Variants in PCDHGA11 observed in about 807,000 individuals in gnomAD.
PCDHGA11 encodes protocadherin gamma-A11.
A neutral mutation model predicts 60.4 loss-of-function variants in PCDHGA11; 39 were observed. The ratio of observed to expected loss-of-function variants is 0.65; its 90% CI spans 0.50 to 0.84. The LOEUF (loss-of-function observed/expected upper bound fraction) is 0.84, where lower values mean the gene tolerates loss of function less well. Among genes scored for constraint, PCDHGA11 ranks in the 40% least tolerant of loss-of-function variants. The pLI is 0.00. For missense variants in PCDHGA11, 1,165 were observed against 1,197.7 expected, an observed-to-expected ratio of 0.97 and a Z score of 0.40; for synonymous variants, 533 against 510.3, an observed-to-expected ratio of 1.04 and a Z score of -0.60.
At chr5:141,435,112 T>A (rs906494104) in intron 1 of PCDHGA11, among the ~76,000 whole-genome samples, 1 of 152,102 alleles carries the variant, frequency 6.6e-6, no homozygotes, top group Non-Finnish European at 1.5e-5. Context: ...GGGGGAGAAA[T>A]CTAATTCAAT....
Position 141,489,343 on chromosome 5 carries a change from G to A in PCDHGA11, c.2434-5464G>A, listed in dbSNP as rs377697321. On this transcript the variant is annotated intron_variant, in intron 1 of 3. Coordinates refer to ENST00000398587, the MANE Select transcript of PCDHGA11 (RefSeq NM_018914.3). This position sits in a 1 kb window ranked among gnomAD's most constrained non-coding sequence, Gnocchi z 4.5. ...GGTGTCTGGGCAGCTTCGTTACTCA[G>A]TGGTGGAGGAGTCTGAGCCGGGGAC... The A allele has an allele frequency of 5.6e-6, 9 of 1,611,264 alleles. No individual in the cohort carries two copies. Among genetic ancestry groups the A allele is most frequent in the Non-Finnish European group, 7.6e-6 (9 of 1,178,202 alleles).
Position 141,485,598 on chromosome 5 carries a change from T to C in PCDHGA11, c.2434-9209T>C, listed in dbSNP as rs931717579. 25 of 1,612,028 alleles carry C rather than the reference T, an allele frequency of 1.6e-5. No individual in the cohort carries two copies. Among genetic ancestry groups the C allele is most frequent in the African/African-American group, 2.7e-5 (2 of 74,838 alleles). ...CCGCGGCAGCAGCTGGACTTGGAAA[T>C]TGGGGAGGCAGCTCCTCCAGGACAG... On this transcript the variant is annotated intron_variant, in intron 1 of 3. Transcript: ENST00000398587. This position sits in a 1 kb window ranked among gnomAD's most constrained non-coding sequence, Gnocchi z 5.7.
rs780685517 is a variant in PCDHGA11 at position 141,489,548 on chromosome 5, T to C, written c.2434-5259T>C. 6.2e-7 allele frequency: 1 copy of C among 1,614,136 alleles called. No individual in the cohort carries two copies. Among genetic ancestry groups the C allele is most frequent in the South Asian group, 1.1e-5 (1 of 91,086 alleles). On this transcript the variant is annotated intron_variant, in intron 1 of 3. Coordinates refer to ENST00000398587, the MANE Select transcript of PCDHGA11 (RefSeq NM_018914.3). This position sits in a 1 kb window ranked among gnomAD's most constrained non-coding sequence, Gnocchi z 4.5. ...CTATGTGGAGCCAGCACCAGCTGCCTGCTGCCAGTGCAGGTGGTGACTGAA... is the reference window on the plus strand; with the variant it reads ...CTATGTGGAGCCAGCACCAGCTGCCCGCTGCCAGTGCAGGTGGTGACTGAA...
Position 141,486,266 on chromosome 5 carries a change from C to G in PCDHGA11, c.2434-8541C>G, listed in dbSNP as rs1311684194. On this transcript the variant is annotated intron_variant, in intron 1 of 3. Transcript: ENST00000398587. The surrounding 1 kb of genome is among the most constrained non-coding windows in gnomAD (Gnocchi z 5.0). Reference sequence around the variant, plus strand: ...TGGAACCCTCCCCGAGAGTGCAGAACCTGGCACTGTGGTGGCACTTATCAG... The same window carrying G: ...TGGAACCCTCCCCGAGAGTGCAGAAGCTGGCACTGTGGTGGCACTTATCAG... 1 of 1,614,098 alleles carries G rather than the reference C, an allele frequency of 6.2e-7. No individual in the cohort carries two copies.
At chr5:141,509,404 A>C (rs1248030362) in intron 3 of PCDHGA11, among the ~76,000 whole-genome samples, 3 of 152,112 alleles carry the variant, frequency 2.0e-5, no homozygotes, top group Non-Finnish European at 4.4e-5. Context: ...CAGGGCCTCC[A>C]GCAGCGAGCC....
chr5:141,477,970 T>G lies in PCDHGA11; in HGVS notation c.2434-16837T>G. ...TCTTGGGATCCCCTAACCAGAGCCTTTTTGCCATAGGGCTGCACACTGGTC... is the reference window on the plus strand; with the variant it reads ...TCTTGGGATCCCCTAACCAGAGCCTGTTTGCCATAGGGCTGCACACTGGTC... On this transcript the variant is annotated intron_variant, in intron 1 of 3. Coordinates refer to ENST00000398587, the MANE Select transcript of PCDHGA11 (RefSeq NM_018914.3). This position sits in a 1 kb window ranked among gnomAD's most constrained non-coding sequence, Gnocchi z 4.9. 1 of 1,614,090 alleles carries G rather than the reference T, an allele frequency of 6.2e-7. No homozygotes were observed. The highest frequency in any genetic ancestry group is 8.5e-7 in the Non-Finnish European group (1 of 1,180,002).
At chr5:141,427,306 A>G (rs1023837851) in intron 1 of PCDHGA11, 6 of 456,826 alleles carry the variant, frequency 1.3e-5, no homozygotes, top group African/African-American at 1.2e-4. Flanking sequence ...GAGAATGACA[A>G]TGCCCCAGAC....
Position 141,431,975 on chromosome 5 carries a change from A to G in PCDHGA11, c.2433+8315A>G. 1 of 1,614,218 alleles carries G rather than the reference A, an allele frequency of 6.2e-7. No individual in the cohort carries two copies. Among genetic ancestry groups the G allele is most frequent in the Non-Finnish European group, 8.5e-7 (1 of 1,180,022 alleles). ...TTACGGAAATTACTATAGTTTAGTC[A>G]CAGACATAGTCTTGGATAGGGAACA... On this transcript the variant is annotated intron_variant, in intron 1 of 3. Transcript: ENST00000398587. The surrounding 1 kb of genome is among the most constrained non-coding windows in gnomAD (Gnocchi z 4.8).
intron 1 of PCDHGA11, chr5:141,478,260 T>C (rs1340624663): frequency 6.2e-7 from 1 of 1,614,182 alleles, no homozygotes; most frequent in East Asian, 2.2e-5. Context: ...GTAATCATAT[T>C]CAAAGTTTAC....
At chr5:141,497,060 G>T (rs1244885752) in intron 2 of PCDHGA11, among the ~76,000 whole-genome samples, 1 of 151,952 alleles carries the variant, frequency 6.6e-6, no homozygotes, top group Non-Finnish European at 1.5e-5. Context: ...GTGGTGGCAG[G>T]CACCTGTAAT....
In PCDHGA11 at chr5:141,422,874, G is replaced by C. The variant is rs763219526; in HGVS notation, c.1647G>C (p.Leu549=). 56 of 1,614,134 alleles carry C rather than the reference G, an allele frequency of 3.5e-5. No individual in the cohort carries two copies. Among genetic ancestry groups the C allele is most frequent in the Non-Finnish European group, 1.0e-5 (12 of 1,180,066 alleles). ...CGCCCCTCAGCAGCAACGTGTCGCT[G>C]AGCCTGTTCGTGCTGGACCAGAACG... is the stretch of plus-strand genomic sequence containing the variant. ...GDPPLSSNVS[L]SLFVLDQNDN... Residue 549 remains leucine, a synonymous_variant, in exon 1 of 4, where the codon CTG becomes CTC. Transcript: ENST00000398587.
chr5:141,429,858 A>T (rs1183727412), intron 1 of PCDHGA11, among the ~76,000 whole-genome samples: 1 of 152,192 alleles, frequency 6.6e-6, no homozygotes, highest in East Asian at 1.9e-4. Context: ...CATTCTTTGG[A>T]CTACCAATTT....
rs772255343 is a variant in PCDHGA11, at chr5:141,432,272, G to C, written c.2433+8612G>C. On this transcript the variant is annotated intron_variant, in intron 1 of 3. Coordinates refer to ENST00000398587, the MANE Select transcript of PCDHGA11 (RefSeq NM_018914.3). This position sits in a 1 kb window ranked among gnomAD's most constrained non-coding sequence, Gnocchi z 6.0. ...CCAAGGGGCAAGCCTATCGTCCTAC[G>C]TGTCCATCAACTCCGACACTGGGGT... The C allele has an allele frequency of 3.1e-6, 5 of 1,614,210 alleles. No individual in the cohort carries two copies. Among genetic ancestry groups the C allele is most frequent in the Non-Finnish European group, 4.2e-6 (5 of 1,180,042 alleles).
rs1048758308 is a variant in PCDHGA11 at position 141,498,931 on chromosome 5, A to T, written c.2492+4066A>T. Among the ~76,000 whole-genome samples the T allele has an allele frequency of 6.2e-4, 88 of 141,764 alleles. 1 individual carries two copies. Among genetic ancestry groups the T allele is most frequent in the Non-Finnish European group, 1.1e-3 (70 of 64,686 alleles). 93.0% of individuals were successfully genotyped at this position (141,764 alleles called of 152,430 possible). On this transcript the variant is annotated intron_variant, in intron 2 of 3. Coordinates refer to ENST00000398587, the MANE Select transcript of PCDHGA11 (RefSeq NM_018914.3). ...CTGGGTGACAGAGCGAGACTCCATC[A>T]GGAAAGAAAGAAAGAAAAAGAGAGA... is the stretch of plus-strand genomic sequence containing the variant.
At chr5:141,453,852 T>A (rs905734700) in intron 1 of PCDHGA11, among the ~76,000 whole-genome samples, 5 of 152,164 alleles carry the variant, frequency 3.3e-5, no homozygotes, top group African/African-American at 1.2e-4. Context: ...ACAGAGCACT[T>A]TGAAAATAAC....
Position 141,511,042 on chromosome 5 carries a change from G to C in PCDHGA11, c.2677G>C (p.Asp893His), listed in dbSNP as rs774071540. Residue 893 changes from aspartate (D) to histidine (H), a missense_variant, in exon 4 of 4, where the codon GAC becomes CAC. Transcript: ENST00000398587. Reference sequence around the variant, plus strand: ...CCAGTTCACCCTGCAGCACGTGCCCGACTACCGCCAGAATGTCTACATCCC... The same window carrying C: ...CCAGTTCACCCTGCAGCACGTGCCCCACTACCGCCAGAATGTCTACATCCC... ...GPQFTLQHVP[D>H]YRQNVYIPGS... 6.2e-7 allele frequency: 1 copy of C among 1,614,182 alleles called. No homozygotes were observed. Among genetic ancestry groups the C allele is most frequent in the South Asian group, 1.1e-5 (1 of 91,084 alleles).
rs2099883782 is a variant in PCDHGA11 at position 141,511,420 on chromosome 5, G to C, written c.*247G>C. The C allele has an allele frequency of 1.2e-6, 1 of 830,744 alleles. No homozygotes were observed. The allele number at this position is 830,744 out of a possible 1,614,324, so 51.5% of individuals were successfully genotyped here. On this transcript the variant is annotated 3_prime_UTR_variant, in exon 4 of 4. Transcript: ENST00000398587. ...TCCAATCAACTGCTGTACCCATGGG[G>C]GTAGTGGGGTTACTGTAGACACCAA...
Position 141,469,573 on chromosome 5 carries a change from C to CTAAA in PCDHGA11, c.2434-25217_2434-25214dup, listed in dbSNP as rs1209972534. Among the ~76,000 whole-genome samples the CTAAA allele has an allele frequency of 1.4e-4, 21 of 151,674 alleles. No individual in the cohort carries two copies. In the East Asian group the frequency reaches 2.3e-3, roughly 17 times the overall value. On this transcript the variant is annotated intron_variant, in intron 1 of 3. Coordinates refer to ENST00000398587, the MANE Select transcript of PCDHGA11 (RefSeq NM_018914.3). ...CTGGCGACAGAGTGAGACTCTGTCT[C>CTAAA]TAAATAAATAAATAAATAAAACAAA...
rs1314264090 is a variant in PCDHGA11, at chr5:141,490,459, C to T, written c.2434-4348C>T. 7 of 1,614,100 alleles carry T rather than the reference C, an allele frequency of 4.3e-6. No homozygotes were observed. Among genetic ancestry groups the T allele is most frequent in the Non-Finnish European group, 5.9e-6 (7 of 1,180,040 alleles). ...GCCTTCTGAGAACCACTACTCGCTG[C>T]TAACCAGCCAGCCTTTGGACCGGGA... On this transcript the variant is annotated intron_variant, in intron 1 of 3. Coordinates refer to ENST00000398587, the MANE Select transcript of PCDHGA11 (RefSeq NM_018914.3). The surrounding 1 kb of genome is among the most constrained non-coding windows in gnomAD (Gnocchi z 5.4).
Sources: gnomAD v4.1 joint callset for allele counts (sites outside exome capture counted in the v4.1 genomes callset) on GRCh38, gnomAD v4.1.1 for gene constraint, Gnocchi (gnomAD v3.1) non-coding constraint, MANE v1.5 for transcripts, NCBI Gene and HGNC (gene_info 2026-07-23, HGNC 2026-07-21) for gene names.